Variants in MACROD2 observed in about 807,000 individuals in gnomAD.
MACROD2 encodes ADP-ribose glycohydrolase MACROD2.
A neutral mutation model predicts 70.4 loss-of-function variants in MACROD2; 36 were observed. The ratio of observed to expected loss-of-function variants is 0.51; its 90% CI spans 0.39 to 0.68. The LOEUF is 0.68. Among genes scored for constraint, MACROD2 ranks in the 30% least tolerant of loss-of-function variants. MACROD2 has a pLI of 0.00. For synonymous variants in MACROD2, 172 were observed against 178.8 expected (o/e 0.96, Z 0.30); for missense variants, 496 against 538.4 (o/e 0.92, Z 0.78).
At chr20:14,317,156 T>A (rs2082618906) in intron 3 of MACROD2, among the ~76,000 whole-genome samples, 1 of 152,190 alleles carries the variant, frequency 6.6e-6, no homozygotes, top group South Asian at 2.1e-4. Context: ...CAGAACACTG[T>A]TCATTTTACT....
chr20:14,899,311 A>G (rs1416299487), intron 5 of MACROD2, among the ~76,000 whole-genome samples: 1 of 152,182 alleles, frequency 6.6e-6, no homozygotes, highest in Admixed American at 6.5e-5. Context: ...GCCATAACAA[A>G]GCACCACACA....
At chr20:14,792,145 G>A (rs963271146) in intron 5 of MACROD2, among the ~76,000 whole-genome samples, 7 of 151,758 alleles carry the variant, frequency 4.6e-5, no homozygotes, top group African/African-American at 7.3e-5. Context: ...TTAACTTAGC[G>A]AACTGTTTGT....
At chr20:14,578,213 G>A (rs1980746231) in intron 4 of MACROD2, among the ~76,000 whole-genome samples, 1 of 151,198 alleles carries the variant, frequency 6.6e-6, no homozygotes, top group Non-Finnish European at 1.5e-5. Flanking sequence ...TTCACAAATT[G>A]AGAAAAAATT....
At chr20:15,773,023 G>A (rs1568553039) in intron 8 of MACROD2, among the ~76,000 whole-genome samples, 2 of 151,938 alleles carry the variant, frequency 1.3e-5, no homozygotes, top group African/African-American at 4.8e-5. Flanking sequence ...CCATATCAGT[G>A]GTATTTCAAA....
chr20:15,604,953 A>G (rs1051341794), intron 8 of MACROD2, among the ~76,000 whole-genome samples: 2 of 152,106 alleles, frequency 1.3e-5, no homozygotes, highest in African/African-American at 2.4e-5. Flanking sequence ...TCTCACCCAA[A>G]TCTGGCCTTT....
intron 5 of MACROD2, among the ~76,000 whole-genome samples, chr20:14,688,681 A>T (rs2071029939): frequency 6.6e-6 from 1 of 152,128 alleles, no homozygotes; most frequent in Non-Finnish European, 1.5e-5. Context: ...TGCAATTTAA[A>T]TTTTTATAGA....
intron 5 of MACROD2, among the ~76,000 whole-genome samples, chr20:14,820,942 G>A (rs79735075): frequency 0.024 from 3,580 of 151,976 alleles, 149 homozygotes; most frequent in African/African-American, 0.082. Context: ...GAAAGCCTCC[G>A]GAACCGTAAA....
rs192941702 is a variant in MACROD2 at position 14,025,340 on chromosome 20, C to T, written c.163+22936C>T. ...GCTCCTGGATTCATTGATGTTTTGA[C>T]GGGTTTTTCGTGTCTGTATCTCCTT... On this transcript the variant is annotated intron_variant, in intron 2 of 17. Coordinates refer to ENST00000684519, the MANE Select transcript of MACROD2 (RefSeq NM_001351661.2). Among the ~76,000 whole-genome samples the T allele has an allele frequency of 1.2e-4, 19 of 152,066 alleles. No homozygotes were observed. In the East Asian group the frequency reaches 2.3e-3, roughly 19 times the overall value.
chr20:15,847,830 T>TG (rs1568595535), intron 8 of MACROD2, among the ~76,000 whole-genome samples: 1 of 152,202 alleles, frequency 6.6e-6, no homozygotes, highest in South Asian at 2.1e-4. Context: ...TTTCTTTTTA[T>TG]GTTTTTGTTT....
At chr20:15,114,738 T>G (rs1394231594) in intron 5 of MACROD2, among the ~76,000 whole-genome samples, 1 of 152,242 alleles carries the variant, frequency 6.6e-6, no homozygotes, top group Non-Finnish European at 1.5e-5. Context: ...ACACCTTTAA[T>G]GTTACCTTCT....
intron 4 of MACROD2, among the ~76,000 whole-genome samples, chr20:14,670,740 T>C (rs1181943472): frequency 6.6e-6 from 1 of 152,094 alleles, no homozygotes; most frequent in Non-Finnish European, 1.5e-5. Flanking sequence ...TCTCATTGAA[T>C]GAGAAGTAGT....
At chr20:15,349,431 T>C (rs1431714480) in intron 6 of MACROD2, among the ~76,000 whole-genome samples, 1 of 152,132 alleles carries the variant, frequency 6.6e-6, no homozygotes, top group Non-Finnish European at 1.5e-5. Context: ...AAATTTGTAG[T>C]TCTAGCAATA....
At chr20:15,579,070 A>G (rs143267933) in intron 8 of MACROD2, among the ~76,000 whole-genome samples, 6 of 152,314 alleles carry the variant, frequency 3.9e-5, no homozygotes, top group Admixed American at 6.5e-5. Context: ...CTTCTCCCTC[A>G]TATTTTCAAG....
chr20:15,210,260 T>C (rs1477424407), intron 5 of MACROD2, among the ~76,000 whole-genome samples: 3 of 152,216 alleles, frequency 2.0e-5, no homozygotes, highest in Admixed American at 1.3e-4. Context: ...CAGTTATTGG[T>C]AAGAAAGGCA....
intron 10 of MACROD2, among the ~76,000 whole-genome samples, chr20:15,886,402 T>G (rs142358894): frequency 2.0e-5 from 3 of 152,258 alleles, no homozygotes; most frequent in African/African-American, 7.2e-5. Flanking sequence ...GGCTTAGACA[T>G]TCCATTGCAT....
intron 5 of MACROD2, among the ~76,000 whole-genome samples, chr20:15,014,243 T>G (rs552287885): frequency 6.6e-6 from 1 of 152,282 alleles, no homozygotes; most frequent in Non-Finnish European, 1.5e-5. Flanking sequence ...CTTACCAAGT[T>G]TAAAATTAAA....
At chr20:14,755,730 A>G (rs1391509388) in intron 5 of MACROD2, among the ~76,000 whole-genome samples, 1 of 151,852 alleles carries the variant, frequency 6.6e-6, no homozygotes, top group Non-Finnish European at 1.5e-5. Context: ...GTACTTTTCT[A>G]TGTCTATTTT....
intron 5 of MACROD2, among the ~76,000 whole-genome samples, chr20:14,685,721 C>G (rs941006505): frequency 6.6e-6 from 1 of 152,064 alleles, no homozygotes; most frequent in African/African-American, 2.4e-5. Context: ...GTGTATTGAC[C>G]TGGAAATTGA....
chr20:15,037,023 T>A (rs1207110622), intron 5 of MACROD2, among the ~76,000 whole-genome samples: 1 of 152,048 alleles, frequency 6.6e-6, no homozygotes, highest in African/African-American at 2.4e-5. Flanking sequence ...TTATTAAAAA[T>A]TGGTCTTTTT....
Sources: gnomAD v4.1 joint callset for allele counts (sites outside exome capture counted in the v4.1 genomes callset) on GRCh38, gnomAD v4.1.1 for gene constraint, MANE v1.5 for transcripts, NCBI Gene and HGNC (gene_info 2026-07-23, HGNC 2026-07-21) for gene names.